HEATR4: variants seen among roughly 807,000 people sequenced by gnomAD.
HEATR4 encodes HEAT repeat containing 4.
In HEATR4, 95 loss-of-function variants were observed where a neutral mutation model predicts 108.8. The observed-to-expected ratio is 0.87, with a 90% CI of 0.74 to 1.04. HEATR4 has a LOEUF of 1.04. HEATR4 is among the 50% of genes least tolerant of loss of function. The pLI is 0.00. For missense variants in HEATR4, 1,152 were observed against 1,253.8 expected, an observed-to-expected ratio of 0.92 and a Z score of 1.23; for synonymous variants, 443 against 459.4, an observed-to-expected ratio of 0.96 and a Z score of 0.46.
At chr14:73,629,056 C>CAA in the HEATR4 span, among the ~76,000 whole-genome samples, 75 of 136,740 alleles carry the variant, frequency 5.5e-4, no homozygotes, top group Admixed American at 8.8e-4. Context: ...AGTATGTTCC[C>CAA]AAAAAAAAAA....
Position 73,478,745 on chromosome 14 carries a change from C to G in HEATR4, c.2942G>C (p.Arg981Pro). Reference sequence around the variant, plus strand: ...AGCAATCCTTTTCTCGGGGGAGGTGCGTAGATCTTTGACAAGTGATGAACG... The same window carrying G: ...AGCAATCCTTTTCTCGGGGGAGGTGGGTAGATCTTTGACAAGTGATGAACG... ...KVRSSLVKDL[R>P]TSPEKRIAVG... The change falls in exon 18 of 18, where the codon CGC becomes CCC. Residue 981 changes from arginine (R) to proline (P), a missense_variant. Arg to Pro is a moderately radical substitution (Grantham distance 103). Coordinates refer to ENST00000553558, the MANE Select transcript of HEATR4 (RefSeq NM_001220484.1). 21 of 1,613,704 alleles carry G rather than the reference C, an allele frequency of 1.3e-5. No individual in the cohort carries two copies. Among genetic ancestry groups the G allele is most frequent in the Non-Finnish European group, 1.8e-5 (21 of 1,179,906 alleles).
chr14:73,597,591 C>CTTTTTTTTTT, the HEATR4 span, among the ~76,000 whole-genome samples: 8 of 98,206 alleles, frequency 8.1e-5, no homozygotes, highest in East Asian at 3.3e-4. Context: ...TTTTTCTTTT[C>CTTTTTTTTTT]TTTTTTTTTT....
chr14:73,630,406 TCGCAA>T, the HEATR4 span, among the ~76,000 whole-genome samples: 1 of 152,226 alleles, frequency 6.6e-6, no homozygotes, highest in Admixed American at 6.5e-5. Flanking sequence ...TGCAACGTTC[TCGCAA>T]CGTATTTTCC....
In HEATR4 at chr14:73,522,567, C is replaced by T. The variant is rs1391186485; in HGVS notation, c.586G>A (p.Glu196Lys). The change falls in exon 3 of 18, where the codon GAG (glutamate) becomes AAG (lysine). Residue 196 changes from glutamate (E) to lysine (K), a missense_variant. Physicochemically the swap from Glu to Lys is moderately conservative, Grantham distance 56. Coordinates refer to ENST00000553558, the MANE Select transcript of HEATR4 (RefSeq NM_001220484.1). ...EEREAWLLPP[E>K]KEARAWEATV... ...GCCTCCCACGCTCTGGCCTCCTTCTCAGGAGGCAGAAGCCAGGCTTCTCTT... is the reference window on the plus strand; with the variant it reads ...GCCTCCCACGCTCTGGCCTCCTTCTTAGGAGGCAGAAGCCAGGCTTCTCTT... 1.2e-6 allele frequency: 2 copies of T among 1,614,014 alleles called. No individual in the cohort carries two copies. Among genetic ancestry groups the T allele is most frequent in the Non-Finnish European group, 8.5e-7 (1 of 1,179,986 alleles).
chr14:73,554,372 T>C (rs991565025), intron 1 of HEATR4, among the ~76,000 whole-genome samples: 1 of 116,032 alleles, frequency 8.6e-6, no homozygotes, highest in African/African-American at 2.8e-5. Flanking sequence ...AAGAAAGTTT[T>C]GATTTCCTTT....
Position 73,482,264 on chromosome 14 carries a change from G to A in HEATR4, c.2845-3422C>T, listed in dbSNP as rs370078508. Among the ~76,000 whole-genome samples, 31 of 152,274 alleles carry A rather than the reference G, an allele frequency of 2.0e-4. No homozygotes were observed. In the East Asian group the frequency reaches 3.7e-3, roughly 18 times the overall value. On this transcript the variant is annotated intron_variant, in intron 17 of 17. Transcript: ENST00000553558. The stretch of plus-strand genomic sequence containing the variant: ...AGGCCGGGCACAGTGGCTCACACCT[G>A]TAACCCCAGCACTTTGGAAGCCTGA...
the HEATR4 span, among the ~76,000 whole-genome samples, chr14:73,576,060 G>T: frequency 2.6e-5 from 4 of 152,152 alleles, no homozygotes; most frequent in Admixed American, 2.0e-4. Flanking sequence ...GGCTGAGGCA[G>T]GAGAATTGCT....
the HEATR4 span, among the ~76,000 whole-genome samples, chr14:73,579,452 G>A: frequency 6.6e-6 from 1 of 150,902 alleles, no homozygotes; most frequent in Non-Finnish European, 1.5e-5. Flanking sequence ...CTGGGCGCCT[G>A]TAATCCCAGC....
rs867268551 is a variant in HEATR4 at position 73,500,855 on chromosome 14, C to T, written c.2106-125G>A. ...GCTGTCAATCCCATTCAGCCTTATG[C>T]TCATGAGATAAGTTTTACTGGGTAC... On this transcript the variant is annotated intron_variant, in intron 11 of 17. Coordinates refer to ENST00000553558, the MANE Select transcript of HEATR4 (RefSeq NM_001220484.1). 5 of 806,356 alleles carry T rather than the reference C, an allele frequency of 6.2e-6. No homozygotes were observed. In the South Asian group the frequency reaches 9.0e-5, roughly 14 times the overall value. 50.0% of individuals were successfully genotyped at this position (806,356 alleles called of 1,614,324 possible).
chr14:73,592,116 TGCGCCGACGCCC>T, the HEATR4 span: 4 of 1,546,042 alleles, frequency 2.6e-6, no homozygotes, highest in South Asian at 2.4e-5. Flanking sequence ...CGCGCGCTAC[TGCGCCGACGCCC>T]GCGGCGAGCT....
chr14:73,524,313 ATATATATAT>A (rs1888195334), intron 2 of HEATR4, among the ~76,000 whole-genome samples: 10 of 93,208 alleles, frequency 1.1e-4, no homozygotes, highest in African/African-American at 3.8e-4. Flanking sequence ...AAAAAAAAAT[ATATATATAT>A]ATATATATAT....
At chr14:73,593,531 T>TG in the HEATR4 span, among the ~76,000 whole-genome samples, 37 of 149,166 alleles carry the variant, frequency 2.5e-4, 1 homozygote, top group East Asian at 5.3e-3. Context: ...ATTGTAGAGA[T>TG]GGGGTCTCAC....
chr14:73,522,416 A>G lies in HEATR4; in HGVS notation c.737T>C (p.Ile246Thr), dbSNP rs1335708526. The G allele has an allele frequency of 6.2e-7, 1 of 1,614,120 alleles. No individual in the cohort carries two copies. Among genetic ancestry groups the G allele is most frequent in the Non-Finnish European group, 8.5e-7 (1 of 1,180,040 alleles). Reference protein sequence around the residue: ...FLRQQYDWSHIRDELTSASDL... With the variant: ...FLRQQYDWSHTRDELTSASDL... ...ACTGGCAGAGGTAAGCTCATCCCGAATGTGACTCCAGTCGTACTGCTGGCG... is the reference window on the plus strand; with the variant it reads ...ACTGGCAGAGGTAAGCTCATCCCGAGTGTGACTCCAGTCGTACTGCTGGCG... The change falls in exon 3 of 18, where the codon ATT becomes ACT. Residue 246 changes from isoleucine to threonine, a missense_variant. By Grantham distance (89) the Ile-to-Thr change is moderately conservative. Transcript: ENST00000553558.
At chr14:73,524,310 A>AAATATATATATATATAT in intron 2 of HEATR4, among the ~76,000 whole-genome samples, 2 of 54,774 alleles carry the variant, frequency 3.7e-5, no homozygotes, top group African/African-American at 1.8e-4. Context: ...AAAAAAAAAA[A>AAATATATATATATATAT]ATATATATAT....
rs1250853648 is a variant in HEATR4, at chr14:73,536,378, G to A, written c.-151-6134C>T. Among the ~76,000 whole-genome samples, 18 of 110,986 alleles carry A rather than the reference G, an allele frequency of 1.6e-4. 1 individual carries two copies. The highest frequency in any genetic ancestry group is 3.2e-4 in the African/African-American group (11 of 34,056). 72.8% of individuals were successfully genotyped at this position (110,986 alleles called of 152,430 possible). A position where few individuals can be genotyped will look rare whatever the true frequency, so the allele number is the denominator to read the frequency against. On this transcript the variant is annotated intron_variant, in intron 1 of 17. Coordinates refer to ENST00000553558, the MANE Select transcript of HEATR4 (RefSeq NM_001220484.1). ...GAAAAAAGCCCAATGCATGGGGAGC[G>A]CCGGTAGTCCCTTGAGGTGTTTGAG...
At chr14:73,601,211 C>A in the HEATR4 span, among the ~76,000 whole-genome samples, 2 of 151,910 alleles carry the variant, frequency 1.3e-5, no homozygotes, top group East Asian at 2.0e-4. Context: ...GGTAAATGTA[C>A]CTGAAGCTTT....
chr14:73,575,535 T>C, the HEATR4 span: 5 of 1,511,136 alleles, frequency 3.3e-6, no homozygotes, highest in Non-Finnish European at 4.4e-6. Flanking sequence ...TCATGTGGCC[T>C]CTCTGTTGCT....
At chr14:73,587,389 G>A in the HEATR4 span, among the ~76,000 whole-genome samples, 2 of 150,688 alleles carry the variant, frequency 1.3e-5, no homozygotes, top group East Asian at 3.9e-4. Context: ...GTCTTGCTCT[G>A]TCACCCTAGC....
chr14:73,533,549 C>G (rs377654254), intron 1 of HEATR4, among the ~76,000 whole-genome samples: 1 of 113,058 alleles, frequency 8.8e-6, no homozygotes, highest in Non-Finnish European at 1.9e-5. Flanking sequence ...TGTCCTGGTA[C>G]GCGCCTGTAG....
Sources: gnomAD v4.1 joint callset for allele counts (sites outside exome capture counted in the v4.1 genomes callset) on GRCh38, gnomAD v4.1.1 for gene constraint, MANE v1.5 for transcripts, NCBI Gene and HGNC (gene_info 2026-07-23, HGNC 2026-07-21) for gene names.